CDS2: variants seen among roughly 807,000 people sequenced by gnomAD.
CDS2 encodes CDP-diacylglycerol synthase 2.
Under a neutral mutation model 59.0 loss-of-function variants are expected in CDS2, and 47 were observed. That is an observed-to-expected ratio of 0.80 (90% CI 0.63 to 1.02). The LOEUF (loss-of-function observed/expected upper bound fraction) is 1.02. CDS2 is among the 50% of genes least tolerant of loss of function. The pLI is 0.00. For missense variants in CDS2, 356 were observed against 558.9 expected (o/e 0.64, Z 3.66); for synonymous variants, 207 against 206.4 (o/e 1.00, Z -0.02).
At chr20:5,182,873 T>C (rs549275316) in intron 6 of CDS2, among the ~76,000 whole-genome samples, 188 bp from the exon 7 acceptor site, 1 of 152,200 alleles carries the variant, frequency 6.6e-6, no homozygotes, top group African/African-American at 2.4e-5. Context: ...CACTCACTAG[T>C]GGGCTGTGGG....
At chr20:5,127,303 C>T (rs1022972805) in intron 1 of CDS2, among the ~76,000 whole-genome samples, 154 bp downstream of exon 1, 2 of 152,040 alleles carry the variant, frequency 1.3e-5, no homozygotes, top group Non-Finnish European at 2.9e-5. Context: ...CTCGGGTGCC[C>T]GGCCTTCGCG....
At chr20:5,159,453 A>C (rs536514674) in intron 1 of CDS2, among the ~76,000 whole-genome samples, 1 of 151,980 alleles carries the variant, frequency 6.6e-6, no homozygotes, top group African/African-American at 2.4e-5. Context: ...TTATGTTAAA[A>C]TTTTATAGTT....
rs1306723459 is a variant in CDS2, at chr20:5,196,344, C to T, written c.*6110C>T. ...GAATAGACCTAGGCAGCCTTGTATC[C>T]ATAGAAAGCCTCCACTGCTGGGCCG... On this transcript the variant is annotated 3_prime_UTR_variant, in exon 13 of 13. Coordinates refer to ENST00000460006, the MANE Select transcript of CDS2 (RefSeq NM_003818.4). 1.3e-5 allele frequency: 2 copies of T among 152,106 alleles called. No homozygotes were observed. The highest frequency in any genetic ancestry group is 2.4e-5 in the African/African-American group (1 of 41,386). The allele number at this position is 152,106 out of a possible 1,614,324, so 9.4% of individuals were successfully genotyped here.
At chr20:5,137,124 T>C (rs961815736) in intron 1 of CDS2, among the ~76,000 whole-genome samples, 1 of 152,020 alleles carries the variant, frequency 6.6e-6, no homozygotes, top group African/African-American at 2.4e-5. Flanking sequence ...TTATTCTTTT[T>C]TATGTAGCCT....
Position 5,190,770 on chromosome 20 carries a change from T to C in CDS2, c.*536T>C, listed in dbSNP as rs986149776. On this transcript the variant is annotated 3_prime_UTR_variant, in exon 13 of 13. Coordinates refer to ENST00000460006, the MANE Select transcript of CDS2 (RefSeq NM_003818.4). ...GCTTACTAACCAGGTAAGCCTTCTA[T>C]GCATCCACACCAAAATCCTGCAGAA... 2.0e-5 allele frequency: 3 copies of C among 152,266 alleles called. No homozygotes were observed. The highest frequency in any genetic ancestry group is 7.2e-5 in the African/African-American group (3 of 41,452). The allele number at this position is 152,266 out of a possible 1,614,324, so 9.4% of individuals were successfully genotyped here.
chr20:5,175,122 G>A (rs1426820073), intron 2 of CDS2, 61 bp from the exon 3 acceptor site: 2 of 1,185,776 alleles, frequency 1.7e-6, no homozygotes, highest in Admixed American at 3.4e-5. Flanking sequence ...TTGAGTTTGT[G>A]CATTGGTTTT....
intron 3 of CDS2, among the ~76,000 whole-genome samples, chr20:5,175,921 G>A (rs138806884): frequency 3.5e-4 from 54 of 152,300 alleles, no homozygotes; most frequent in African/African-American, 1.3e-3. Flanking sequence ...TAGAGCTTTT[G>A]TTAAGGAAAT....
intron 1 of CDS2, among the ~76,000 whole-genome samples, chr20:5,165,938 GAT>G (rs2090910389): frequency 6.6e-6 from 1 of 152,190 alleles, no homozygotes; most frequent in Non-Finnish European, 1.5e-5. Flanking sequence ...GGCTGTAAGA[GAT>G]AAGGCTGGAT....
intron 3 of CDS2, chr20:5,176,277 CTGGGTGCGG>C (rs2090994449): frequency 6.0e-6 from 1 of 165,826 alleles, no homozygotes; most frequent in Admixed American, 5.9e-5. Context: ...ATCCTTTTGG[CTGGGTGCGG>C]TGGCTCACGC....
chr20:5,135,236 T>A (rs958751120), intron 1 of CDS2, among the ~76,000 whole-genome samples: 3 of 152,250 alleles, frequency 2.0e-5, no homozygotes, highest in Admixed American at 2.0e-4. Context: ...CCATTGTAAC[T>A]AATTTCACAG....
At chr20:5,135,845 G>A (rs535682875) in intron 1 of CDS2, among the ~76,000 whole-genome samples, 12 of 152,248 alleles carry the variant, frequency 7.9e-5, no homozygotes, top group South Asian at 2.1e-4. Context: ...CCTTTCTCCC[G>A]CCTGCCTCTC....
chr20:5,167,534 A>G (rs1055467248), intron 1 of CDS2, among the ~76,000 whole-genome samples: 1 of 152,146 alleles, frequency 6.6e-6, no homozygotes, highest in Non-Finnish European at 1.5e-5. Flanking sequence ...CACTGGCCAG[A>G]TATATGTATA....
chr20:5,185,831 G>C lies in CDS2; in HGVS notation c.828+5G>C. 6.2e-7 allele frequency: 1 copy of C among 1,614,106 alleles called. No individual in the cohort carries two copies. The highest frequency in any genetic ancestry group is 8.5e-7 in the Non-Finnish European group (1 of 1,179,940). On this transcript the variant is annotated splice_donor_5th_base_variant and intron_variant, in intron 9 of 12. Coordinates refer to ENST00000460006, the MANE Select transcript of CDS2 (RefSeq NM_003818.4). Reference sequence around the variant, plus strand: ...ACTGTGGTGTTTGGCCTTCTGGTAGGTGGTGGCTTTCAGCTGTGTAAGGGA... The same window carrying C: ...ACTGTGGTGTTTGGCCTTCTGGTAGCTGGTGGCTTTCAGCTGTGTAAGGGA...
intron 5 of CDS2, among the ~76,000 whole-genome samples, chr20:5,181,487 T>G (rs567123281): frequency 6.6e-6 from 1 of 152,326 alleles, no homozygotes; most frequent in South Asian, 2.1e-4. Flanking sequence ...GCAAGTCTAT[T>G]AAGAAAGTAA....
At chr20:5,173,791 G>A in intron 2 of CDS2, 132 bp downstream of exon 2, 2 of 1,015,080 alleles carry the variant, frequency 2.0e-6, no homozygotes, top group Non-Finnish European at 3.0e-6. Flanking sequence ...CCATGCCACT[G>A]CTCCAGGCTC....
intron 1 of CDS2, among the ~76,000 whole-genome samples, chr20:5,172,971 T>C (rs1362219310): frequency 6.6e-6 from 1 of 152,238 alleles, no homozygotes; most frequent in Non-Finnish European, 1.5e-5. Flanking sequence ...GCACCAGTCC[T>C]GGCTCGAGCG....
At chr20:5,188,439 C>A (rs978970459) in intron 10 of CDS2, among the ~76,000 whole-genome samples, 1 of 152,192 alleles carries the variant, frequency 6.6e-6, no homozygotes, top group Non-Finnish European at 1.5e-5. Flanking sequence ...TCTTTATATA[C>A]TTCCACCAAA....
chr20:5,181,837 AT>A (rs1180948719), intron 5 of CDS2, among the ~76,000 whole-genome samples: 1 of 152,234 alleles, frequency 6.6e-6, no homozygotes, highest in African/African-American at 2.4e-5. Flanking sequence ...GTATTTGTGT[AT>A]CTAAACATAG....
chr20:5,137,452 A>G (rs1568527897), intron 1 of CDS2, among the ~76,000 whole-genome samples: 1 of 151,794 alleles, frequency 6.6e-6, no homozygotes, highest in African/African-American at 2.4e-5. Flanking sequence ...CATGTTAGCC[A>G]GGCTGGTGTC....
Sources: allele counts gnomAD v4.1 joint callset (sites outside exome capture counted in the v4.1 genomes callset), GRCh38; gene constraint gnomAD v4.1.1; transcripts MANE v1.5; gene names NCBI Gene and HGNC (gene_info 2026-07-23, HGNC 2026-07-21).